TSG101: variants seen among roughly 807,000 people sequenced by gnomAD.
The protein encoded by TSG101 is tumor susceptibility gene 101 protein.
Under a neutral mutation model 48.5 loss-of-function variants are expected in TSG101, and 19 were observed. The ratio of observed to expected loss-of-function variants is 0.39; its 90% confidence interval spans 0.27 to 0.58. TSG101 has a LOEUF of 0.58. Ranked by LOEUF, TSG101 falls within the 20% of genes least tolerant of loss-of-function variation. The pLI, the probability that TSG101 is intolerant of heterozygous loss-of-function variation, is 0.55. For missense variants in TSG101, 365 were observed against 484.4 expected, an observed-to-expected ratio of 0.75 and a Z score of 2.31; for synonymous variants, 174 against 169.4, an observed-to-expected ratio of 1.03 and a Z score of -0.21.
chr11:18,510,794 C>T (rs546092639), intron 4 of TSG101, among the ~76,000 whole-genome samples: 11 of 152,156 alleles, frequency 7.2e-5, no homozygotes, highest in South Asian at 4.2e-4. Flanking sequence ...TGGTGGCATG[C>T]GCCTGTGGTC....
chr11:18,499,717 AT>A (rs1181220602), intron 7 of TSG101, among the ~76,000 whole-genome samples: 2 of 151,434 alleles, frequency 1.3e-5, no homozygotes, highest in East Asian at 1.9e-4. Flanking sequence ...GGCCTAAAAA[AT>A]TTTTTTAGAT....
At chr11:18,503,046 T>A (rs1849914271) in intron 6 of TSG101, among the ~76,000 whole-genome samples, 1 of 152,218 alleles carries the variant, frequency 6.6e-6, no homozygotes, top group South Asian at 2.1e-4. Context: ...AAACTCATCT[T>A]TAGTTTAAAA....
chr11:18,505,856 C>T (rs1414045391), intron 6 of TSG101, among the ~76,000 whole-genome samples: 1 of 152,006 alleles, frequency 6.6e-6, no homozygotes, highest in Admixed American at 6.6e-5. Flanking sequence ...TTTGCTCTGT[C>T]GCCCAGGGTG....
At chr11:18,505,108 T>C (rs1202772230) in intron 6 of TSG101, among the ~76,000 whole-genome samples, 1 of 152,182 alleles carries the variant, frequency 6.6e-6, no homozygotes, top group African/African-American at 2.4e-5. Context: ...TATATATATT[T>C]ACCTATGACA....
chr11:18,522,184 T>C (rs1293984229), intron 1 of TSG101, among the ~76,000 whole-genome samples: 2 of 152,236 alleles, frequency 1.3e-5, no homozygotes, highest in African/African-American at 4.8e-5. Flanking sequence ...AATTTATATG[T>C]TGAAACCCTT....
chr11:18,506,728 A>G lies in TSG101; in HGVS notation c.548+129T>C, dbSNP rs576277438. 1,104 of 637,050 alleles carry G rather than the reference A, an allele frequency of 1.7e-3. 3 individuals are homozygous for G. Among genetic ancestry groups the G allele is most frequent in the Non-Finnish European group, 2.4e-3 (978 of 402,496 alleles). 39.5% of individuals were successfully genotyped at this position (637,050 alleles called of 1,614,324 possible). A position where few individuals can be genotyped will look rare whatever the true frequency, so the allele number is the denominator to read the frequency against. ...AAATAAATAAATAAATTCCAGGAATAAACCAAGTTTTATCTTCCACTAAAT... is the reference window on the plus strand; with the variant it reads ...AAATAAATAAATAAATTCCAGGAATGAACCAAGTTTTATCTTCCACTAAAT... On this transcript the variant is annotated intron_variant, in intron 6 of 9. Coordinates refer to ENST00000251968, the MANE Select transcript of TSG101 (RefSeq NM_006292.4).
chr11:18,492,823 A>G (rs1053935906), intron 7 of TSG101, among the ~76,000 whole-genome samples: 8 of 152,078 alleles, frequency 5.3e-5, no homozygotes, highest in African/African-American at 1.9e-4. Flanking sequence ...AAAAAGAAAA[A>G]CCCAGAGTTT....
chr11:18,487,410 T>C (rs1332136798), intron 7 of TSG101, among the ~76,000 whole-genome samples: 1 of 152,192 alleles, frequency 6.6e-6, no homozygotes, highest in Non-Finnish European at 1.5e-5. Context: ...ATTTATAATT[T>C]TGGTCTCTCA....
At chr11:18,513,297 C>T (rs1002599669) in intron 4 of TSG101, among the ~76,000 whole-genome samples, 1 of 151,654 alleles carries the variant, frequency 6.6e-6, no homozygotes, top group South Asian at 2.1e-4. Flanking sequence ...AGTATCTCAT[C>T]TTTTCTTTTC....
intron 5 of TSG101, chr11:18,508,630 A>G (rs902445031): frequency 2.6e-5 from 4 of 152,206 alleles, no homozygotes; most frequent in Non-Finnish European, 4.4e-5. Context: ...TCCTAAAATC[A>G]AGCTTATTCT....
chr11:18,516,220 G>A (rs1850169760), intron 2 of TSG101, 56 bp from the exon 3 acceptor site: 1 of 1,492,186 alleles, frequency 6.7e-7, no homozygotes, highest in Non-Finnish European at 9.3e-7. Context: ...ACTCCCATAA[G>A]TTATTCTTTC....
At position 18,491,300 on chromosome 11, in the gene TSG101, G is replaced by A. The variant is rs181804386; in HGVS notation, c.641-7228C>T. Reference sequence around the variant, plus strand: ...CAGTCTAACAGTGTGATTTATGGGGGGGTCTGGGCCATGCAGTGATAGGTA... The same window carrying A: ...CAGTCTAACAGTGTGATTTATGGGGAGGTCTGGGCCATGCAGTGATAGGTA... On this transcript the variant is annotated intron_variant, in intron 7 of 9. Transcript: ENST00000251968. Among the ~76,000 whole-genome samples the A allele has an allele frequency of 7.8e-4, 119 of 152,224 alleles. 1 individual carries two copies. Among genetic ancestry groups the A allele is most frequent in the Middle Eastern group, 6.8e-3 (2 of 294 alleles).
chr11:18,484,129 C>G (rs1182725027), intron 7 of TSG101, 57 bp from the exon 8 acceptor site: 1 of 1,575,424 alleles, frequency 6.3e-7, no homozygotes, highest in Non-Finnish European at 8.7e-7. Flanking sequence ...TTCTATTTGT[C>G]TCACAGGAAC....
At chr11:18,492,663 C>T (rs1849715626) in intron 7 of TSG101, among the ~76,000 whole-genome samples, 1 of 151,858 alleles carries the variant, frequency 6.6e-6, no homozygotes, top group South Asian at 2.1e-4. Context: ...CACAGTTCAC[C>T]TGAGGAAGTT....
At chr11:18,513,788 A>C (rs1850125520) in intron 4 of TSG101, among the ~76,000 whole-genome samples, 1 of 152,152 alleles carries the variant, frequency 6.6e-6, no homozygotes, top group African/African-American at 2.4e-5. Context: ...AAGAATAAGT[A>C]AGTAGGCTGG....
intron 7 of TSG101, among the ~76,000 whole-genome samples, chr11:18,488,288 C>G (rs1266882685): frequency 6.6e-6 from 1 of 151,836 alleles, no homozygotes; most frequent in African/African-American, 2.4e-5. Context: ...ATGAGGTTTT[C>G]TTTTCTCATT....
Position 18,502,468 on chromosome 11 carries a change from G to C in TSG101, c.640+18C>G. ...ACTTTGCTTATATGGTGAAACACAA[G>C]TTTTCAAGGGTACTTACCAACAGTG... On this transcript the variant is annotated intron_variant, in intron 7 of 9. Transcript: ENST00000251968. 6.2e-7 allele frequency: 1 copy of C among 1,602,740 alleles called. No homozygotes were observed. Among genetic ancestry groups the C allele is most frequent in the Non-Finnish European group, 8.5e-7 (1 of 1,172,380 alleles).
At chr11:18,487,097 C>G (rs1849630127) in intron 7 of TSG101, among the ~76,000 whole-genome samples, 1 of 132,162 alleles carries the variant, frequency 7.6e-6, no homozygotes, top group Admixed American at 9.2e-5. Context: ...GGAAGGGGAA[C>G]ATCACACATC....
chr11:18,509,649 A>C lies in TSG101; in HGVS notation c.374T>G (p.Leu125Trp), dbSNP rs1162404345. The part of the protein sequence containing the change: ...HEWKHPQSDL[L>W]GLIQVMIVVF... The stretch of plus-strand genomic sequence containing the variant: ...CACAATCATGACCTGAATAAGCCCC[A>C]ACAAGTCTGACTGTGGCTACAAAAT... The change falls in exon 5 of 10, where the codon TTG becomes TGG. Residue 125 changes from leucine to tryptophan, a missense_variant. Leu to Trp is a moderately conservative substitution (Grantham distance 61, BLOSUM62 -2). Coordinates refer to ENST00000251968, the MANE Select transcript of TSG101 (RefSeq NM_006292.4). 1.9e-6 allele frequency: 3 copies of C among 1,602,992 alleles called. No individual in the cohort carries two copies. Among genetic ancestry groups the C allele is most frequent in the Non-Finnish European group, 2.6e-6 (3 of 1,173,488 alleles).
Sources: allele counts gnomAD v4.1 joint callset (sites outside exome capture counted in the v4.1 genomes callset), GRCh38; gene constraint gnomAD v4.1.1; transcripts MANE v1.5; gene names NCBI Gene and HGNC (gene_info 2026-07-23, HGNC 2026-07-21).